Variants in CHRM3 observed in about 807,000 individuals in gnomAD.
CHRM3 encodes muscarinic acetylcholine receptor M3.
In CHRM3, 11 loss-of-function variants were observed where a neutral mutation model predicts 41.8. The ratio of observed to expected loss-of-function variants is 0.26; its 90% CI spans 0.17 to 0.44. The LOEUF (loss-of-function observed/expected upper bound fraction) is 0.44. CHRM3 is among the 20% of genes least tolerant of loss of function. CHRM3 has a pLI of 1.00. For synonymous variants in CHRM3, 297 were observed against 301.4 expected (o/e 0.99, Z 0.15); for missense variants, 571 against 745.4 (o/e 0.77, Z 2.72).
At chr1:239,888,864 TG>T (rs996539840) in intron 6 of CHRM3, among the ~76,000 whole-genome samples, 16 of 152,286 alleles carry the variant, frequency 1.1e-4, no homozygotes, top group African/African-American at 3.6e-4. Flanking sequence ...AGTCCACCTC[TG>T]TTTTTGGCTC....
intron 5 of CHRM3, among the ~76,000 whole-genome samples, chr1:239,814,253 A>G (rs543318310): frequency 2.0e-5 from 3 of 152,086 alleles, no homozygotes; most frequent in African/African-American, 7.2e-5. Flanking sequence ...ATTCATGCGC[A>G]TTACCTAGGT....
At chr1:239,551,957 G>A (rs967479155) in intron 3 of CHRM3, among the ~76,000 whole-genome samples, 28 of 152,076 alleles carry the variant, frequency 1.8e-4, no homozygotes, top group African/African-American at 5.8e-4. Flanking sequence ...GGTAATGTTT[G>A]AATGAATCAT....
At position 239,496,302 on chromosome 1, in the gene CHRM3, C is replaced by T. The variant is rs368374487; in HGVS notation, c.-422+3495C>T. On this transcript the variant is annotated intron_variant, in intron 2 of 6. Coordinates refer to ENST00000676153, the MANE Select transcript of CHRM3 (RefSeq NM_001375978.1). ...CAAGATTTGGAGAGGCTAAACCAAT[C>T]GCCTCTGTAAAATTCCACTCCTATA... 1.9e-4 allele frequency among the ~76,000 whole-genome samples: 29 copies of T among 152,122 alleles called. 1 individual carries two copies. In the South Asian group the frequency reaches 5.2e-3, roughly 27 times the overall value.
At chr1:239,555,014 C>G (rs186568010) in intron 3 of CHRM3, among the ~76,000 whole-genome samples, 99 of 152,244 alleles carry the variant, frequency 6.5e-4, no homozygotes, top group Admixed American at 1.8e-3. Flanking sequence ...AGGCGTAAGC[C>G]ACCGCTCCCA....
At chr1:239,513,195 C>A (rs1244750486) in intron 2 of CHRM3, among the ~76,000 whole-genome samples, 1 of 152,134 alleles carries the variant, frequency 6.6e-6, no homozygotes. Flanking sequence ...AATAAGGGCA[C>A]ACTATTAAAC....
chr1:239,526,654 A>G (rs1258394541), intron 2 of CHRM3, among the ~76,000 whole-genome samples: 1 of 152,208 alleles, frequency 6.6e-6, no homozygotes, highest in Admixed American at 6.5e-5. Flanking sequence ...GGTGTATTGC[A>G]TAAGACTAAT....
chr1:239,513,484 T>C (rs1226912608), intron 2 of CHRM3, among the ~76,000 whole-genome samples: 1 of 152,196 alleles, frequency 6.6e-6, no homozygotes, highest in Non-Finnish European at 1.5e-5. Context: ...TTTATTTTCT[T>C]ATAGTTGAAT....
chr1:239,658,957 C>T (rs749327319), intron 4 of CHRM3, among the ~76,000 whole-genome samples: 2 of 152,006 alleles, frequency 1.3e-5, no homozygotes, highest in Non-Finnish European at 2.9e-5. Flanking sequence ...AGGCTGGTCT[C>T]GAACTCTTGA....
At chr1:239,877,471 G>A (rs150931118) in intron 6 of CHRM3, among the ~76,000 whole-genome samples, 4 of 152,168 alleles carry the variant, frequency 2.6e-5, no homozygotes, top group African/African-American at 4.8e-5. Flanking sequence ...TTTCAACTAC[G>A]TGGTGAATAA....
intron 6 of CHRM3, among the ~76,000 whole-genome samples, chr1:239,846,339 A>C (rs959779491): frequency 6.6e-6 from 1 of 152,322 alleles, no homozygotes; most frequent in East Asian, 1.9e-4. Context: ...TCATAAAGGG[A>C]AAATTATTAC....
intron 3 of CHRM3, among the ~76,000 whole-genome samples, chr1:239,572,538 A>G (rs1158276434): frequency 6.6e-6 from 1 of 152,192 alleles, no homozygotes; most frequent in Non-Finnish European, 1.5e-5. Flanking sequence ...CATCACAACT[A>G]ATAATCATTA....
At chr1:239,824,971 A>G (rs924883807) in intron 5 of CHRM3, among the ~76,000 whole-genome samples, 1 of 152,220 alleles carries the variant, frequency 6.6e-6, no homozygotes, top group African/African-American at 2.4e-5. Context: ...CATCAGTGGC[A>G]ATCATCCTTA....
At chr1:239,462,995 G>A (rs948993141) in intron 1 of CHRM3, among the ~76,000 whole-genome samples, 2 of 152,138 alleles carry the variant, frequency 1.3e-5, no homozygotes, top group African/African-American at 4.8e-5. Flanking sequence ...TCTAGAAAAG[G>A]CAGTTTACTT....
At chr1:239,692,251 C>T (rs965882560) in intron 5 of CHRM3, among the ~76,000 whole-genome samples, 12 of 152,192 alleles carry the variant, frequency 7.9e-5, no homozygotes, top group Admixed American at 6.5e-4. Context: ...TATGGATGGA[C>T]CAGGCTTTTT....
At chr1:239,836,541 G>T (rs910046821) in intron 6 of CHRM3, among the ~76,000 whole-genome samples, 1 of 152,164 alleles carries the variant, frequency 6.6e-6, no homozygotes. Context: ...TGCTAGAAAT[G>T]CGGAAGCCAA....
intron 5 of CHRM3, among the ~76,000 whole-genome samples, chr1:239,817,549 G>A (rs1483764880): frequency 6.6e-6 from 1 of 151,690 alleles, no homozygotes; most frequent in Non-Finnish European, 1.5e-5. Context: ...AGCTTCCCAC[G>A]GGCTACTGGA....
intron 6 of CHRM3, among the ~76,000 whole-genome samples, chr1:239,877,044 G>T (rs1357151697): frequency 2.0e-5 from 3 of 152,118 alleles, no homozygotes; most frequent in Non-Finnish European, 4.4e-5. Flanking sequence ...AAGACTTACA[G>T]AAAATAAGCA....
At chr1:239,725,141 G>A (rs1205224509) in intron 5 of CHRM3, among the ~76,000 whole-genome samples, 1 of 151,846 alleles carries the variant, frequency 6.6e-6, no homozygotes, top group Non-Finnish European at 1.5e-5. Context: ...AAAGTATTTA[G>A]TAAGCTTTAT....
At chr1:239,544,488 A>G (rs1050202548) in intron 2 of CHRM3, among the ~76,000 whole-genome samples, 1 of 152,184 alleles carries the variant, frequency 6.6e-6, no homozygotes. Context: ...TTTGGAATGA[A>G]TATATTTGAA....
Sources: gnomAD v4.1 joint callset for allele counts (sites outside exome capture counted in the v4.1 genomes callset) on GRCh38, gnomAD v4.1.1 for gene constraint, MANE v1.5 for transcripts, NCBI Gene and HGNC (gene_info 2026-07-23, HGNC 2026-07-21) for gene names.